ALLC: variants seen among roughly 807,000 people sequenced by gnomAD.
ALLC encodes the protein allantoicase, also known as probable inactive allantoicase.
A neutral mutation model predicts 45.0 loss-of-function variants in ALLC; 40 were observed. That is an observed-to-expected ratio of 0.89 (90% confidence interval 0.69 to 1.16). ALLC has a LOEUF of 1.16. Among genes scored for constraint, ALLC ranks in the 50% most tolerant of loss-of-function variants. The pLI, the probability that ALLC is intolerant of heterozygous loss-of-function variation, is 0.00. For synonymous variants in ALLC, 176 were observed against 178.1 expected (o/e 0.99, Z 0.09); for missense variants, 488 against 493.1 (o/e 0.99, Z 0.10).
intron 1 of ALLC, among the ~76,000 whole-genome samples, chr2:3,663,938 T>C (rs1292662600): frequency 6.6e-6 from 1 of 152,226 alleles, no homozygotes; most frequent in Admixed American, 6.5e-5. Flanking sequence ...AAAATGTGGC[T>C]CATATGACTG....
intron 7 of ALLC, chr2:3,694,960 A>G (rs1318585712): frequency 6.6e-6 from 1 of 152,152 alleles, no homozygotes; most frequent in Admixed American, 6.5e-5. Context: ...CTGCAGACCT[A>G]ATTTCAGGCT....
the ALLC span, among the ~76,000 whole-genome samples, chr2:3,651,426 TGTGTGTGTGTGTGTGTTAGG>T: frequency 8.1e-3 from 473 of 58,218 alleles, 14 homozygotes; most frequent in Admixed American, 0.013. Context: ...TGTGTGTGTG[TGTGTGTGTGTGTGTGTTAGG>T]AAGGGAGACG....
chr2:3,700,151 A>G (rs1341225857), intron 10 of ALLC, among the ~76,000 whole-genome samples: 1 of 152,158 alleles, frequency 6.6e-6, no homozygotes, highest in Non-Finnish European at 1.5e-5. Flanking sequence ...TTAAGCCTTT[A>G]ATCAATCTTG....
chr2:3,650,802 G>A, the ALLC span, among the ~76,000 whole-genome samples: 1 of 152,240 alleles, frequency 6.6e-6, no homozygotes, highest in African/African-American at 2.4e-5. Context: ...AGGGGAGTCT[G>A]TGTTAATAGC....
rs981419813 is a variant in ALLC, at chr2:3,680,517, A to G, written c.298+523A>G. Among the ~76,000 whole-genome samples the G allele has an allele frequency of 2.0e-5, 3 of 152,226 alleles. No individual in the cohort carries two copies. The highest frequency in any genetic ancestry group is 4.4e-5 in the Non-Finnish European group (3 of 68,046). ...ATGAGACGTATTCTGTGAAAGGGCC[A>G]TATACACAGAGCAGACCTCAGGTGC... On this transcript the variant is annotated intron_variant, in intron 5 of 11. Coordinates refer to ENST00000252505, the MANE Select transcript of ALLC (RefSeq NM_018436.4). This position sits in a 1 kb window ranked among gnomAD's most constrained non-coding sequence, Gnocchi z 4.0.
At chr2:3,700,892 G>C (rs1667809558) in intron 10 of ALLC, among the ~76,000 whole-genome samples, 1 of 152,110 alleles carries the variant, frequency 6.6e-6, no homozygotes, top group Non-Finnish European at 1.5e-5. Context: ...AAGAGCTCCA[G>C]TAGAAGTTCT....
Position 3,683,092 on chromosome 2 carries a change from T to C in ALLC, c.511+18T>C, listed in dbSNP as rs1179328312. 1.9e-6 allele frequency: 3 copies of C among 1,606,196 alleles called. No homozygotes were observed. On this transcript the variant is annotated intron_variant, in intron 7 of 11. Coordinates refer to ENST00000252505, the MANE Select transcript of ALLC (RefSeq NM_018436.4). ...TTTCCCAGGTAATCGTGACATGGAC[T>C]TATCACCAGTTCCATGGCTTCTTTA...
chr2:3,679,410 A>G (rs34616879), intron 4 of ALLC, among the ~76,000 whole-genome samples: 24,777 of 152,228 alleles, frequency 0.16, 2,326 homozygotes, highest in Middle Eastern at 0.26. Flanking sequence ...GACAATGAAC[A>G]CAGTGTCTGC....
At chr2:3,650,966 G>A in the ALLC span, among the ~76,000 whole-genome samples, 2 of 152,228 alleles carry the variant, frequency 1.3e-5, no homozygotes, top group Non-Finnish European at 2.9e-5. Context: ...TTCCGAGGAG[G>A]AGACCTATTG....
Position 3,687,752 on chromosome 2 carries a change from G to C in ALLC, c.511+4678G>C, listed in dbSNP as rs371150984. On this transcript the variant is annotated intron_variant, in intron 7 of 11. Coordinates refer to ENST00000252505, the MANE Select transcript of ALLC (RefSeq NM_018436.4). ...TAGTTGTTCATAATAGTCTCTAATT[G>C]ATCTTTGTAATTCTGTGGTCACATT... Among the ~76,000 whole-genome samples the C allele has an allele frequency of 6.4e-4, 96 of 151,094 alleles. 1 individual carries two copies. The highest frequency in any genetic ancestry group is 2.2e-3 in the African/African-American group (93 of 41,434).
intron 2 of ALLC, among the ~76,000 whole-genome samples, chr2:3,672,305 C>A (rs367821918): frequency 7.0e-5 from 6 of 86,006 alleles, no homozygotes; most frequent in Non-Finnish European, 1.2e-4. Flanking sequence ...CTGGTTAGAT[C>A]GGAAGTCCTC....
chr2:3,681,547 G>A (rs1667178818), intron 5 of ALLC, 87 bp from the exon 6 acceptor site: 2 of 888,186 alleles, frequency 2.3e-6, no homozygotes, highest in African/African-American at 1.7e-5. Flanking sequence ...TTTGCAAAGC[G>A]AGAATTACCA....
rs1303806060 is a variant in ALLC at position 3,680,842 on chromosome 2, T to A, written c.299-792T>A. On this transcript the variant is annotated intron_variant, in intron 5 of 11. Transcript: ENST00000252505. This position sits in a 1 kb window ranked among gnomAD's most constrained non-coding sequence, Gnocchi z 4.0. ...TCTGGACTAAGGACAGTAAATCAAG[T>A]TGGAAGCAGGACGTGTTCACAGGAT... Among the ~76,000 whole-genome samples the A allele has an allele frequency of 1.3e-5, 2 of 152,144 alleles. No homozygotes were observed. Among genetic ancestry groups the A allele is most frequent in the Non-Finnish European group, 2.9e-5 (2 of 68,022 alleles).
chr2:3,667,472 A>G (rs1429605355), intron 1 of ALLC, among the ~76,000 whole-genome samples: 1 of 152,216 alleles, frequency 6.6e-6, no homozygotes, highest in Admixed American at 6.5e-5. Context: ...GCTTTCCGCT[A>G]TCAGTCACGT....
chr2:3,671,454 C>G (rs894675020), intron 2 of ALLC, among the ~76,000 whole-genome samples: 1 of 152,256 alleles, frequency 6.6e-6, no homozygotes, highest in Non-Finnish European at 1.5e-5. Flanking sequence ...GGCAGGCGGT[C>G]CTCTAGCTCT....
At chr2:3,673,776 G>C (rs753574716) in intron 2 of ALLC, among the ~76,000 whole-genome samples, 1 of 151,990 alleles carries the variant, frequency 6.6e-6, no homozygotes, top group Non-Finnish European at 1.5e-5. Context: ...CGAAACCTCT[G>C]GTTCATGAAA....
intron 7 of ALLC, among the ~76,000 whole-genome samples, chr2:3,689,263 G>C (rs993176126): frequency 1.3e-5 from 2 of 150,334 alleles, no homozygotes; most frequent in African/African-American, 4.9e-5. Context: ...TTTTGGGATT[G>C]GTTTATACTT....
intron 1 of ALLC, among the ~76,000 whole-genome samples, chr2:3,659,898 A>G (rs1438652977): frequency 6.6e-6 from 1 of 152,206 alleles, no homozygotes; most frequent in Non-Finnish European, 1.5e-5. Flanking sequence ...CACAGCAGAC[A>G]CTGGTTGGGC....
At chr2:3,648,900 C>T in the ALLC span, among the ~76,000 whole-genome samples, 1 of 152,202 alleles carries the variant, frequency 6.6e-6, no homozygotes, top group Non-Finnish European at 1.5e-5. Flanking sequence ...TTTCATGCCT[C>T]CCACTGGGGC....
Sources: allele counts gnomAD v4.1 joint callset (sites outside exome capture counted in the v4.1 genomes callset), GRCh38; gene constraint gnomAD v4.1.1; non-coding constraint Gnocchi (gnomAD v3.1); transcripts MANE v1.5; gene names NCBI Gene and HGNC (gene_info 2026-07-23, HGNC 2026-07-21).